Variants in PAX6 observed in about 807,000 individuals in gnomAD.
PAX6 encodes the protein paired box 6, also known as paired box protein Pax-6.
Under a neutral mutation model 60.7 loss-of-function variants are expected in PAX6, and 7 were observed. That is an observed-to-expected ratio of 0.12 (90% confidence interval 0.07 to 0.22). The LOEUF (loss-of-function observed/expected upper bound fraction) is 0.22, where lower values mean the gene tolerates loss of function less well. Among genes scored for constraint, PAX6 ranks in the 10% least tolerant of loss-of-function variants. The pLI is 1.00. For synonymous variants in PAX6, 208 were observed against 201.2 expected (o/e 1.03, Z -0.29); for missense variants, 355 against 555.2 (o/e 0.64, Z 3.62).
In PAX6 at chr11:31,801,902, T is replaced by A; in HGVS notation, c.152A>T (p.Asp51Val). The change falls in exon 6 of 14, where the codon GAT becomes GTT. Residue 51 changes from aspartate (D) to valine (V), a missense_variant. Physicochemically the swap from Asp to Val is radical, Grantham distance 152. Coordinates refer to ENST00000640368, the MANE Select transcript of PAX6 (RefSeq NM_001368894.2). ...DISRILQTHA[D>V]AKVQVLDNQN... ...ATTGTCCAGCACTTGGACTTTTGCA[T>A]CTGCATGGGTCTATAACACAAAAAT... 3.1e-6 allele frequency: 5 copies of A among 1,613,910 alleles called. No homozygotes were observed. The highest frequency in any genetic ancestry group is 4.2e-6 in the Non-Finnish European group (5 of 1,179,770).
chr11:31,802,452 A>C (rs569809145), intron 5 of PAX6: 1 of 488,072 alleles, frequency 2.0e-6, no homozygotes, highest in South Asian at 3.4e-5. Context: ...TTTTAAAAAA[A>C]TCCGCACACA....
At chr11:31,794,594 G>A (rs1290557206) in intron 9 of PAX6, 36 bp downstream of exon 9, 1 of 1,611,534 alleles carries the variant, frequency 6.2e-7, no homozygotes, top group Non-Finnish European at 8.5e-7. Context: ...CATTTACTTT[G>A]ATTTACTGCT....
chr11:31,798,520 G>A (rs746764179), intron 8 of PAX6, among the ~76,000 whole-genome samples: 8 of 152,196 alleles, frequency 5.3e-5, no homozygotes, highest in African/African-American at 1.9e-4. Flanking sequence ...CCCCGGGAAC[G>A]TGAAGCGAAG....
intron 4 of PAX6, chr11:31,806,126 TGG>T: frequency 2.1e-6 from 1 of 475,750 alleles, no homozygotes; most frequent in Non-Finnish European, 3.6e-6. Flanking sequence ...TTACAGGATT[TGG>T]GGGGGATGGG....
intron 12 of PAX6, chr11:31,793,010 G>T: frequency 3.9e-6 from 2 of 512,320 alleles, no homozygotes; most frequent in Non-Finnish European, 7.0e-6. Context: ...CCAAAGTAAT[G>T]CCCCAAATGC....
Position 31,801,882 on chromosome 11 carries a change from C to G in PAX6, c.172G>C (p.Asp58His), listed in dbSNP as rs1251038995. The G allele has an allele frequency of 6.2e-7, 1 of 1,613,940 alleles. No homozygotes were observed. Among genetic ancestry groups the G allele is most frequent in the Non-Finnish European group, 8.5e-7 (1 of 1,179,960 alleles). ...AATGACAAGCTTACGTTTTGATTGT[C>G]CAGCACTTGGACTTTTGCATCTGCA... ...THADAKVQVL[D>H]NQNVSNGCVS... is the part of the protein sequence containing the mutation. Residue 58 changes from aspartate to histidine, a missense_variant, in exon 6 of 14, where the codon GAC becomes CAC. Coordinates refer to ENST00000640368, the MANE Select transcript of PAX6 (RefSeq NM_001368894.2).
At chr11:31,801,269 C>T in intron 7 of PAX6, 1 of 1,389,146 alleles carries the variant, frequency 7.2e-7, no homozygotes, top group South Asian at 1.5e-5. Flanking sequence ...GACGAAGTTA[C>T]AATCTGGTTC....
intron 2 of PAX6, chr11:31,810,043 C>CG (rs1956718045): frequency 6.6e-6 from 1 of 152,432 alleles, no homozygotes; most frequent in Non-Finnish European, 1.5e-5. Context: ...GGCAAGAGCC[C>CG]GGGGGCTGGG....
upstream of PAX6, chr11:31,814,061 CG>C (rs565691697): frequency 6.6e-5 from 10 of 152,138 alleles, no homozygotes; most frequent in Admixed American, 1.3e-4. Context: ...CTCCAAGACG[CG>C]GGGGGGCGGC....
intron 8 of PAX6, 44 bp from the exon 9 acceptor site, chr11:31,794,832 T>C: frequency 1.2e-6 from 2 of 1,601,426 alleles, no homozygotes; most frequent in Non-Finnish European, 8.6e-7. Flanking sequence ...TTGGATTAAC[T>C]TGGAGCCTCC....
chr11:31,809,279 C>G (rs960531896), intron 2 of PAX6: 1 of 152,226 alleles, frequency 6.6e-6, no homozygotes, highest in African/African-American at 2.4e-5. Context: ...ACCGCAACAA[C>G]TATTATTTCT....
At chr11:31,798,297 T>A (rs995930302) in intron 8 of PAX6, among the ~76,000 whole-genome samples, 11 of 152,012 alleles carry the variant, frequency 7.2e-5, no homozygotes, top group Non-Finnish European at 1.6e-4. Flanking sequence ...GATAGAGTTG[T>A]CTCTTGTTGT....
At chr11:31,791,337 C>T (rs560160238) in intron 12 of PAX6, 54 of 233,184 alleles carry the variant, frequency 2.3e-4, no homozygotes, top group Non-Finnish European at 4.2e-4. Context: ...CCTTGGGAAC[C>T]TTTCACTGAT....
At chr11:31,798,547 G>A (rs1565222947) in intron 8 of PAX6, among the ~76,000 whole-genome samples, 1 of 152,170 alleles carries the variant, frequency 6.6e-6, no homozygotes, top group African/African-American at 2.4e-5. Flanking sequence ...ACCGGTGCCC[G>A]CTACCCCCAC....
chr11:31,812,228 T>C (rs1421678493), upstream of PAX6: 1 of 113,884 alleles, frequency 8.8e-6, no homozygotes, highest in Non-Finnish European at 1.8e-5. Context: ...CCAGGGGAGA[T>C]AAGAGGGGAG....
rs200916868 is a variant in PAX6 at position 31,794,077 on chromosome 11, T to C, written c.762A>G (p.Arg254=). 8.1e-6 allele frequency: 13 copies of C among 1,612,306 alleles called. No individual in the cohort carries two copies. The East Asian group carries it at 2.9e-4, about 36-fold the overall frequency. The change falls in exon 10 of 14, where the codon CGA becomes CGG. Residue 254 remains arginine (R), a synonymous_variant. Transcript: ENST00000640368. The part of the protein sequence containing the change: ...ERTHYPDVFA[R]ERLAAKIDLP... ...GATCTATTTTGGCTGCTAGTCTTTC[T>C]CGGGCAAACACATCTGGATAATGGG...
chr11:31,816,289 A>T (rs1034571530), upstream of PAX6: 4 of 404,374 alleles, frequency 9.9e-6, no homozygotes, highest in Non-Finnish European at 1.7e-5. Flanking sequence ...TAGTAATTCC[A>T]GTCATCCAAA....
intron 8 of PAX6, among the ~76,000 whole-genome samples, chr11:31,799,207 G>A (rs1298107084): frequency 6.6e-6 from 1 of 152,164 alleles, no homozygotes; most frequent in African/African-American, 2.4e-5. Flanking sequence ...CACTCGGTGG[G>A]GTCAATCGCT....
intron 13 of PAX6, chr11:31,790,414 G>A: frequency 1.5e-6 from 2 of 1,302,824 alleles, no homozygotes; most frequent in African/African-American, 3.0e-5. Flanking sequence ...ACAGCTCAGT[G>A]GGCCCCCTAC....
Sources: allele counts gnomAD v4.1 joint callset (sites outside exome capture counted in the v4.1 genomes callset), GRCh38; gene constraint gnomAD v4.1.1; transcripts MANE v1.5; gene names NCBI Gene and HGNC (gene_info 2026-07-23, HGNC 2026-07-21).